CPNE7: variants seen among roughly 807,000 people sequenced by gnomAD.
The protein encoded by CPNE7 is copine 7.
In CPNE7, 78 loss-of-function variants were observed where a neutral mutation model predicts 66.5. The ratio of observed to expected loss-of-function variants is 1.17; its 90% confidence interval spans 0.98 to 1.42. The LOEUF is 1.42. CPNE7 is among the 40% of genes most tolerant of loss of function. The pLI is 0.00. For missense variants in CPNE7, 1,012 were observed against 776.6 expected (o/e 1.30, Z -3.60); for synonymous variants, 468 against 336.7 (o/e 1.39, Z -4.27).
chr16:89,589,762 G>A, intron 10 of CPNE7, 135 bp from the exon 11 acceptor site: 2 of 873,292 alleles, frequency 2.3e-6, no homozygotes, highest in Non-Finnish European at 3.6e-6. Flanking sequence ...CCCACCTCTG[G>A]CAGGTGCTTA....
chr16:89,584,866 C>A lies in CPNE7; in HGVS notation c.591+9C>A, dbSNP rs1414234031. ...TGGTGTACAGGACGGAGGTGAGCGGCCGGGGATGGGAACACAGGGAGGGGA... is the reference window on the plus strand; with the variant it reads ...TGGTGTACAGGACGGAGGTGAGCGGACGGGGATGGGAACACAGGGAGGGGA... On this transcript the variant is annotated intron_variant, in intron 5 of 14. Coordinates refer to ENST00000319518, the MANE Select transcript of CPNE7 (RefSeq NM_153636.3). The surrounding 1 kb of genome is among the most constrained non-coding windows in gnomAD (Gnocchi z 6.0). The A allele has an allele frequency of 1.2e-6, 2 of 1,611,920 alleles. No individual in the cohort carries two copies. Among genetic ancestry groups the A allele is most frequent in the East Asian group, 4.5e-5 (2 of 44,898 alleles).
chr16:89,588,206 GCGTGTCACCCA>G (rs1352147522), intron 9 of CPNE7, among the ~76,000 whole-genome samples: 1 of 21,160 alleles, frequency 4.7e-5, no homozygotes, highest in Admixed American at 5.5e-4. Context: ...CGTGTCACCC[GCGTGTCACCCA>G]CAGATACACG....
chr16:89,575,977 G>T lies in CPNE7; in HGVS notation c.80G>T (p.Arg27Leu), dbSNP rs2058853541. Residue 27 changes from arginine (R) to leucine (L), a missense_variant, in exon 1 of 15, where the codon CGG (arginine) becomes CTG (leucine). Arg to Leu is a moderately radical substitution (Grantham distance 102). Coordinates refer to ENST00000319518, the MANE Select transcript of CPNE7 (RefSeq NM_153636.3). ...CCCTGCGCCTCGAAGGTGGAGCTGC[G>T]GCTCAGCTGCCGGCACCTGCTGGAC... ...PAPCASKVEL[R>L]LSCRHLLDRD... 1 of 1,373,124 alleles carries T rather than the reference G, an allele frequency of 7.3e-7. No individual in the cohort carries two copies. Among genetic ancestry groups the T allele is most frequent in the East Asian group, 3.1e-5 (1 of 32,576 alleles). 85.1% of individuals were successfully genotyped at this position (1,373,124 alleles called of 1,614,324 possible).
At chr16:89,594,822 T>C (rs1286069683) in intron 13 of CPNE7, among the ~76,000 whole-genome samples, 2 of 151,802 alleles carry the variant, frequency 1.3e-5, no homozygotes, top group South Asian at 2.1e-4. Context: ...CAGCTAGTTT[T>C]TGTATTTTTA....
rs1431251711 is a variant in CPNE7 at position 89,584,107 on chromosome 16, G to C, written c.507+5G>C. On this transcript the variant is annotated splice_donor_5th_base_variant and intron_variant, in intron 4 of 14. Coordinates refer to ENST00000319518, the MANE Select transcript of CPNE7 (RefSeq NM_153636.3). The surrounding 1 kb of genome is among the most constrained non-coding windows in gnomAD (Gnocchi z 6.0). ...GCCAGGAAGCTGGACGACAAGGTGAGTGCAGGTGCCGGGCACGCCTGGCTC... is the reference window on the plus strand; with the variant it reads ...GCCAGGAAGCTGGACGACAAGGTGACTGCAGGTGCCGGGCACGCCTGGCTC... 6.2e-7 allele frequency: 1 copy of C among 1,609,114 alleles called. No individual in the cohort carries two copies. The highest frequency in any genetic ancestry group is 8.5e-7 in the Non-Finnish European group (1 of 1,178,254).
At chr16:89,592,953 C>T (rs1430465738) in intron 13 of CPNE7, among the ~76,000 whole-genome samples, 1 of 150,520 alleles carries the variant, frequency 6.6e-6, no homozygotes, top group Admixed American at 6.7e-5. Context: ...GCTGGGAGTA[C>T]AGGCGCCCGC....
At position 89,585,570 on chromosome 16, in the gene CPNE7, A is replaced by G; in HGVS notation, c.681+17A>G. 4 of 1,582,214 alleles carry G rather than the reference A, an allele frequency of 2.5e-6. No homozygotes were observed. Among genetic ancestry groups the G allele is most frequent in the Non-Finnish European group, 3.5e-6 (4 of 1,154,726 alleles). ...CCTCTAAAGGTGGGGGACGGGATGG[A>G]CCAAGGGGGCAGTGAGGGGGTGGCC... On this transcript the variant is annotated intron_variant, in intron 6 of 14. Transcript: ENST00000319518.
rs1436762856 is a variant in CPNE7, at chr16:89,596,717, C to T, written c.*96C>T. 2.3e-6 allele frequency: 3 copies of T among 1,325,120 alleles called. No individual in the cohort carries two copies. Among genetic ancestry groups the T allele is most frequent in the East Asian group, 2.9e-5 (1 of 34,690 alleles). The allele number at this position is 1,325,120 out of a possible 1,614,324, so 82.1% of individuals were successfully genotyped here. On this transcript the variant is annotated 3_prime_UTR_variant, in exon 15 of 15. Transcript: ENST00000319518. ...GGTCCCTTAAGCTCCCTCCGACCTC[C>T]CAGAAGCCTCCAGTCCCCACCAGGC... is the stretch of plus-strand genomic sequence containing the variant.
intron 10 of CPNE7, 60 bp from the exon 11 acceptor site, chr16:89,589,837 G>A: frequency 1.3e-6 from 2 of 1,584,270 alleles, no homozygotes; most frequent in Non-Finnish European, 1.7e-6. Context: ...CCCTAGAAGT[G>A]GCCCCTGTTG....
At chr16:89,589,308 G>T (rs190282275) in intron 10 of CPNE7, among the ~76,000 whole-genome samples, 2 of 152,272 alleles carry the variant, frequency 1.3e-5, no homozygotes, top group Non-Finnish European at 2.9e-5. Context: ...AAGAGACTCT[G>T]CGAGGAAGGG....
chr16:89,576,454 GGGGCGGGAGGCT>G (rs1344508790), intron 1 of CPNE7, among the ~76,000 whole-genome samples: 2 of 152,010 alleles, frequency 1.3e-5, no homozygotes, highest in African/African-American at 2.4e-5. Context: ...CGGCCGACGG[GGGGCGGGAGGCT>G]GGGCGGGAGC....
chr16:89,590,845 G>C (rs1392116402), intron 11 of CPNE7, among the ~76,000 whole-genome samples, 162 bp from the exon 12 acceptor site: 1 of 90,918 alleles, frequency 1.1e-5, no homozygotes, highest in Non-Finnish European at 2.2e-5. Context: ...GCAGCTGACC[G>C]AGCCCTCTTT....
chr16:89,588,833 C>A (rs373502342), intron 10 of CPNE7, 25 bp downstream of exon 10: 2 of 1,608,556 alleles, frequency 1.2e-6, no homozygotes, highest in African/African-American at 1.3e-5. Flanking sequence ...TTCCCCTCAC[C>A]CCCTGGTCTC....
intron 13 of CPNE7, among the ~76,000 whole-genome samples, chr16:89,592,260 C>T (rs1206438567): frequency 5.3e-5 from 8 of 151,056 alleles, no homozygotes; most frequent in African/African-American, 9.8e-5. Context: ...GTGATCCACC[C>T]GCCTCGGCCT....
chr16:89,578,775 A>T, intron 2 of CPNE7: 1 of 1,409,912 alleles, frequency 7.1e-7, no homozygotes, highest in Non-Finnish European at 9.2e-7. Context: ...AAAAAAAAAA[A>T]AAAGAAGCCT....
At chr16:89,585,595 C>T (rs1314920467) in intron 6 of CPNE7, 42 bp downstream of exon 6, 2 of 1,573,676 alleles carry the variant, frequency 1.3e-6, no homozygotes, top group Non-Finnish European at 1.7e-6. Flanking sequence ...AGGGGGTGGC[C>T]TGGATGTGGG....
chr16:89,586,363 C>G (rs1567958469), intron 7 of CPNE7, among the ~76,000 whole-genome samples: 2 of 151,880 alleles, frequency 1.3e-5, no homozygotes, highest in Admixed American at 1.3e-4. Context: ...GTCTGCCCAG[C>G]CCACAGCAGC....
intron 13 of CPNE7, among the ~76,000 whole-genome samples, chr16:89,591,595 T>C (rs1197743650): frequency 6.6e-6 from 1 of 152,214 alleles, no homozygotes; most frequent in Non-Finnish European, 1.5e-5. Flanking sequence ...GTGTCTTTCC[T>C]TTGCACAAAT....
intron 7 of CPNE7, among the ~76,000 whole-genome samples, 169 bp from the exon 8 acceptor site, chr16:89,586,501 C>G (rs2059040580): frequency 6.6e-6 from 1 of 151,856 alleles, no homozygotes; most frequent in Non-Finnish European, 1.5e-5. Context: ...CCTCTTCATT[C>G]CCGTATGACC....
Sources: allele counts gnomAD v4.1 joint callset (sites outside exome capture counted in the v4.1 genomes callset), GRCh38; gene constraint gnomAD v4.1.1; non-coding constraint Gnocchi (gnomAD v3.1); transcripts MANE v1.5; gene names NCBI Gene and HGNC (gene_info 2026-07-23, HGNC 2026-07-21).